The following ARHGAP24 variants were observed in gnomAD, a reference collection of about 807,000 sequenced individuals.
The protein encoded by ARHGAP24 is rho GTPase-activating protein 24.
In ARHGAP24, 50 loss-of-function variants were observed where a neutral mutation model predicts 76.4. That is an observed-to-expected ratio of 0.65 (90% CI 0.52 to 0.83). The LOEUF is 0.83. Among genes scored for constraint, ARHGAP24 ranks in the 40% least tolerant of loss-of-function variants. ARHGAP24 has a pLI of 0.00. For missense variants in ARHGAP24, 930 were observed against 914.2 expected, an observed-to-expected ratio of 1.02 and a Z score of -0.22; for synonymous variants, 345 against 323.3, an observed-to-expected ratio of 1.07 and a Z score of -0.72.
chr4:85,925,351 T>C (rs1023891797), intron 4 of ARHGAP24, among the ~76,000 whole-genome samples: 5 of 152,248 alleles, frequency 3.3e-5, no homozygotes, highest in Admixed American at 2.6e-4. Context: ...TGTCAAAGTA[T>C]CACAGTGCTT....
At chr4:85,480,104 G>A (rs1722751271) in intron 1 of ARHGAP24, among the ~76,000 whole-genome samples, 1 of 152,106 alleles carries the variant, frequency 6.6e-6, no homozygotes, top group African/African-American at 2.4e-5. Flanking sequence ...TTGTTAAAAT[G>A]TCAAAATGTC....
chr4:85,939,476 T>TA (rs1736832479), intron 4 of ARHGAP24, among the ~76,000 whole-genome samples: 1 of 152,268 alleles, frequency 6.6e-6, no homozygotes, highest in African/African-American at 2.4e-5. Context: ...TTTCCATGTA[T>TA]AAAAGGGAGA....
intron 1 of ARHGAP24, among the ~76,000 whole-genome samples, chr4:85,561,951 G>A (rs1209464888): frequency 1.3e-5 from 2 of 152,178 alleles, no homozygotes; most frequent in African/African-American, 2.4e-5. Context: ...GATGGTTCTA[G>A]TAAGGGAGGC....
intron 3 of ARHGAP24, among the ~76,000 whole-genome samples, chr4:85,776,253 C>A (rs896442796): frequency 2.6e-5 from 4 of 152,086 alleles, no homozygotes; most frequent in African/African-American, 9.7e-5. Context: ...ACTGCCTTGC[C>A]TGTGTTAATA....
intron 2 of ARHGAP24, among the ~76,000 whole-genome samples, chr4:85,685,652 AG>A (rs1260981540): frequency 1.3e-5 from 2 of 151,470 alleles, no homozygotes; most frequent in Non-Finnish European, 2.9e-5. Context: ...AAAAAAGAAA[AG>A]AAAAAGAAGT....
chr4:85,664,009 G>C (rs1404504997), intron 2 of ARHGAP24, among the ~76,000 whole-genome samples: 1 of 151,308 alleles, frequency 6.6e-6, no homozygotes, highest in Non-Finnish European at 1.5e-5. Context: ...GCCCAGGTTT[G>C]GTATCAGGAT....
At chr4:85,600,563 G>A (rs1719998424) in intron 2 of ARHGAP24, among the ~76,000 whole-genome samples, 1 of 152,178 alleles carries the variant, frequency 6.6e-6, no homozygotes. Flanking sequence ...AATAAAGTGT[G>A]TATTAATGTG....
chr4:85,590,965 G>T (rs1719996561), intron 2 of ARHGAP24, among the ~76,000 whole-genome samples: 2 of 147,182 alleles, frequency 1.4e-5, no homozygotes, highest in South Asian at 4.3e-4. Flanking sequence ...TTTGCAAAAT[G>T]AAAGGCTGTA....
chr4:85,564,970 A>ATATATATATG (rs1553914962), intron 1 of ARHGAP24, among the ~76,000 whole-genome samples: 1 of 116,502 alleles, frequency 8.6e-6, no homozygotes, highest in Non-Finnish European at 1.8e-5. Flanking sequence ...ATATATATAT[A>ATATATATATG]CCCACACCCA....
At chr4:85,802,491 G>T (rs889043118) in intron 3 of ARHGAP24, among the ~76,000 whole-genome samples, 4 of 152,280 alleles carry the variant, frequency 2.6e-5, no homozygotes, top group African/African-American at 9.6e-5. Flanking sequence ...TATAATGATG[G>T]ATAAAGAATA....
rs777805344 is a variant in ARHGAP24, at chr4:86,000,486, C to T, written c.2011C>T (p.Gln671Ter). 15 of 1,205,100 alleles carry T rather than the reference C, an allele frequency of 1.2e-5. No individual in the cohort carries two copies. The highest frequency in any genetic ancestry group is 1.7e-5 in the Non-Finnish European group (15 of 892,942). The allele number at this position is 1,205,100 out of a possible 1,614,324, so 74.7% of individuals were successfully genotyped here. A position where few individuals can be genotyped will look rare whatever the true frequency, so the allele number is the denominator to read the frequency against. ...CCCCAACATCCTTTGTAGCTTAGAA[C>T]AGCGAAACTTGACTTTGGAAACAGA... Reference protein sequence around the residue: ...EYESRIKSLEQRNLTLETEMM... With the variant: ...EYESRIKSLE The change falls in exon 10 of 10, where the codon CAG becomes TAG. Residue 671 changes from glutamine (Q) to a stop codon, truncating the protein, a stop_gained. Transcript: ENST00000395184. LOFTEE classifies it high-confidence loss of function.
chr4:85,993,055 G>GA (rs891755854), intron 8 of ARHGAP24, among the ~76,000 whole-genome samples: 31 of 147,722 alleles, frequency 2.1e-4, no homozygotes, highest in African/African-American at 4.7e-4. Flanking sequence ...TTTCTCATCT[G>GA]AAAAAAAAAA....
At chr4:85,704,378 G>A (rs895177093) in intron 2 of ARHGAP24, among the ~76,000 whole-genome samples, 2 of 151,992 alleles carry the variant, frequency 1.3e-5, no homozygotes, top group Non-Finnish European at 2.9e-5. Flanking sequence ...TGAAGTCTTG[G>A]CATCAAACCC....
intron 1 of ARHGAP24, among the ~76,000 whole-genome samples, chr4:85,545,260 G>A (rs1177794445): frequency 1.3e-5 from 2 of 151,542 alleles, no homozygotes; most frequent in African/African-American, 4.9e-5. Flanking sequence ...CCACCACACC[G>A]GGCTAATTTT....
intron 3 of ARHGAP24, among the ~76,000 whole-genome samples, chr4:85,843,644 T>C (rs916182612): frequency 6.6e-6 from 1 of 152,070 alleles, no homozygotes; most frequent in African/African-American, 2.4e-5. Context: ...TCTTAATTAA[T>C]ACAGGGAAAA....
chr4:85,591,031 GTTTTTTTTTTTTTTTTT>G (rs35373441), intron 2 of ARHGAP24, among the ~76,000 whole-genome samples: 2 of 62,610 alleles, frequency 3.2e-5, no homozygotes, highest in African/African-American at 6.8e-5. Flanking sequence ...AATCTGCTGG[GTTTTTTTTTTTTTTTTT>G]TTTTTTTTTT....
chr4:85,640,225 C>T (rs796719722), intron 2 of ARHGAP24, among the ~76,000 whole-genome samples: 6 of 152,264 alleles, frequency 3.9e-5, no homozygotes, highest in African/African-American at 1.2e-4. Context: ...CCCAATGTCC[C>T]GTAACCCACT....
chr4:85,553,273 A>G (rs2110130470), intron 1 of ARHGAP24, among the ~76,000 whole-genome samples: 2 of 152,212 alleles, frequency 1.3e-5, no homozygotes. Flanking sequence ...CAAAGCTTAC[A>G]CAGCAGGGAA....
chr4:85,554,772 G>A (rs1047975695), intron 1 of ARHGAP24, among the ~76,000 whole-genome samples: 24 of 151,900 alleles, frequency 1.6e-4, no homozygotes, highest in African/African-American at 5.6e-4. Flanking sequence ...CCGGGTTCAC[G>A]CCATTCTCCT....
Sources: allele counts gnomAD v4.1 joint callset (sites outside exome capture counted in the v4.1 genomes callset), GRCh38; gene constraint gnomAD v4.1.1; transcripts MANE v1.5; gene names NCBI Gene and HGNC (gene_info 2026-07-23, HGNC 2026-07-21).